Variants in LARS1 observed in about 807,000 individuals in gnomAD.
LARS1 encodes leucine--tRNA ligase, cytoplasmic.
LARS1 carries 100 observed loss-of-function variants against 162.8 expected under a neutral mutation model. The ratio of observed to expected loss-of-function variants is 0.61; its 90% CI spans 0.52 to 0.73. LARS1 has a LOEUF of 0.73. LARS1 is among the 30% of genes least tolerant of loss of function. The pLI, the probability that LARS1 is intolerant of heterozygous loss-of-function variation, is 0.00. For missense variants in LARS1, 1,258 were observed against 1,408.9 expected, an observed-to-expected ratio of 0.89 and a Z score of 1.71; for synonymous variants, 457 against 462.8, an observed-to-expected ratio of 0.99 and a Z score of 0.16.
At chr5:146,160,557 GAATC>G (rs1287707169) in intron 6 of LARS1, 71 bp from the exon 7 acceptor site, 13 of 704,348 alleles carry the variant, frequency 1.8e-5, no homozygotes, top group Non-Finnish European at 3.0e-5. Context: ...GAATTCCTAT[GAATC>G]AATTATTTAC....
intron 4 of LARS1, among the ~76,000 whole-genome samples, chr5:146,169,104 C>CAAGAAAGA (rs200941278): frequency 6.6e-6 from 1 of 151,310 alleles, no homozygotes. Flanking sequence ...ATCCCACCAG[C>CAAGAAAGA]AAGAAAGAAA....
intron 15 of LARS1, among the ~76,000 whole-genome samples, chr5:146,146,493 G>A (rs1753013454): frequency 8.1e-6 from 1 of 124,100 alleles, no homozygotes; most frequent in Non-Finnish European, 1.7e-5. Flanking sequence ...ATAAAATAGA[G>A]GTTAGAACCC....
chr5:146,119,819 GAGTTTACT>G (rs1751739318), intron 31 of LARS1, among the ~76,000 whole-genome samples: 1 of 152,158 alleles, frequency 6.6e-6, no homozygotes, highest in Non-Finnish European at 1.5e-5. Context: ...TCCAGATCTA[GAGTTTACT>G]AGCTAAACAA....
chr5:146,149,668 T>A lies in LARS1; in HGVS notation c.1457A>T (p.Lys486Met), dbSNP rs1186470167. Residue 486 changes from lysine to methionine, a missense_variant, in exon 15 of 32, where the codon AAG becomes ATG. Coordinates refer to ENST00000394434, the MANE Select transcript of LARS1 (RefSeq NM_020117.11). The part of the protein sequence containing the change: ...IMLVDGFKGQ[K>M]VQDVKKTIQK... ...AATAGTCTTCTTTACATCTTGAACC[T>A]TCTGTCCTTTAAATCCATCCACCAA... 1 of 1,612,968 alleles carries A rather than the reference T, an allele frequency of 6.2e-7. No individual in the cohort carries two copies. The highest frequency in any genetic ancestry group is 1.3e-5 in the African/African-American group (1 of 74,994).
At chr5:146,118,914 C>A (rs74530997) in intron 31 of LARS1, among the ~76,000 whole-genome samples, 5,294 of 152,260 alleles carry the variant, frequency 0.035, 321 homozygotes, top group African/African-American at 0.12. Flanking sequence ...TAAACAACAA[C>A]ATCCCTAACC....
In LARS1 at chr5:146,151,686, C is replaced by T. The variant is rs114613842; in HGVS notation, c.1425+176G>A. On this transcript the variant is annotated intron_variant, in intron 14 of 31. Transcript: ENST00000394434. ...GACAATTTCTGAAAATGCTTTTAGGCAAAGGACATGATAAAAACAAAAATT... is the reference window on the plus strand; with the variant it reads ...GACAATTTCTGAAAATGCTTTTAGGTAAAGGACATGATAAAAACAAAAATT... Among the ~76,000 whole-genome samples, 332 of 152,132 alleles carry T rather than the reference C, an allele frequency of 2.2e-3. 3 individuals are homozygous for T. The highest frequency in any genetic ancestry group is 7.8e-3 in the African/African-American group (323 of 41,508).
intron 31 of LARS1, among the ~76,000 whole-genome samples, chr5:146,115,213 T>C (rs2126339426): frequency 6.6e-6 from 1 of 152,234 alleles, no homozygotes; most frequent in Middle Eastern, 3.4e-3. Flanking sequence ...CATTATCCTA[T>C]ATGGTCTCTC....
chr5:146,157,460 G>A lies in LARS1; in HGVS notation c.1008C>T (p.Tyr336=). The A allele has an allele frequency of 6.2e-7, 1 of 1,613,998 alleles. No homozygotes were observed. The highest frequency in any genetic ancestry group is 8.5e-7 in the Non-Finnish European group (1 of 1,180,012). The change falls in exon 10 of 32, where the codon TAC becomes TAT. Residue 336 remains tyrosine, a synonymous_variant. Transcript: ENST00000394434. Reference sequence around the variant, plus strand: ...CGCCATTGTCTTTGGTAAAGCCCTGGTATGACATATTCCTGGCTGCTTTTT... The same window carrying A: ...CGCCATTGTCTTTGGTAAAGCCCTGATATGACATATTCCTGGCTGCTTTTT... ...CTQKAARNMS[Y]QGFTKDNGVV... is the part of the protein sequence containing the mutation.
intron 28 of LARS1, among the ~76,000 whole-genome samples, chr5:146,125,002 T>TAC (rs141205004): frequency 1.5e-3 from 230 of 150,942 alleles, no homozygotes; most frequent in Non-Finnish European, 2.3e-3. Flanking sequence ...TATCATTTTA[T>TAC]ACACACACAC....
At chr5:146,120,613 TA>T in intron 30 of LARS1, 110 bp from the exon 31 acceptor site, 1 of 1,107,444 alleles carries the variant, frequency 9.0e-7, no homozygotes, top group South Asian at 1.6e-5. Flanking sequence ...TCTGGTATTT[TA>T]AAATCATGAC....
chr5:146,114,206 T>C lies in LARS1; in HGVS notation c.3431A>G (p.His1144Arg). 2.5e-6 allele frequency: 4 copies of C among 1,613,634 alleles called. No homozygotes were observed. The highest frequency in any genetic ancestry group is 2.2e-5 in the East Asian group (1 of 44,820). Reference sequence around the variant, plus strand: ...CATGAGGTCCACATTGAAAACAGCATGCTCAGAAATGGGGGTCTTCTCGGT... The same window carrying C: ...CATGAGGTCCACATTGAAAACAGCACGCTCAGAAATGGGGGTCTTCTCGGT... ...EYTEKTPISE[H>R]AVFNVDLMSK... The change falls in exon 32 of 32, where the codon CAT becomes CGT. Residue 1144 changes from histidine (H) to arginine (R), a missense_variant. Physicochemically the swap from His to Arg is conservative, Grantham distance 29 (BLOSUM62 0). Transcript: ENST00000394434.
Position 146,128,688 on chromosome 5 carries a change from A to G in LARS1, c.2864T>C (p.Leu955Pro). The change falls in exon 27 of 32, where the codon CTA (leucine) becomes CCA (proline). Residue 955 changes from leucine (L) to proline (P), a missense_variant. Coordinates refer to ENST00000394434, the MANE Select transcript of LARS1 (RefSeq NM_020117.11). ...GAGCATCACCTCAAAGTGTTTACGTAGAACAGACAGGGTGGTATGTTGCCA... is the reference window on the plus strand; with the variant it reads ...GAGCATCACCTCAAAGTGTTTACGTGGAACAGACAGGGTGGTATGTTGCCA... ...PPWQHTTLSV[L>P]RKHFEANNGK... The G allele has an allele frequency of 6.3e-7, 1 of 1,580,930 alleles. No homozygotes were observed. Among genetic ancestry groups the G allele is most frequent in the Non-Finnish European group, 8.5e-7 (1 of 1,170,362 alleles).
intron 4 of LARS1, among the ~76,000 whole-genome samples, chr5:146,171,153 T>G (rs1754257425): frequency 1.3e-5 from 2 of 151,986 alleles, no homozygotes; most frequent in Admixed American, 6.6e-5. Flanking sequence ...GGTCAGGAGT[T>G]CCAGAACAGC....
At chr5:146,150,641 A>AG (rs1394644596) in intron 14 of LARS1, among the ~76,000 whole-genome samples, 3 of 151,186 alleles carry the variant, frequency 2.0e-5, no homozygotes, top group African/African-American at 7.3e-5. Flanking sequence ...AAAAAAAAAA[A>AG]AAGAACACAA....
At position 146,171,970 on chromosome 5, in the gene LARS1, T is replaced by A; in HGVS notation, c.234A>T (p.Arg78=). 3 of 1,613,800 alleles carry A rather than the reference T, an allele frequency of 1.9e-6. No homozygotes were observed. The highest frequency in any genetic ancestry group is 2.5e-6 in the Non-Finnish European group (3 of 1,179,758). The part of the protein sequence containing the change: ...SKCEFAVGYQ[R]LKGKCCLFPF... ...GAAACAGACAACATTTTCCTTTCAATCGCTGGTACCCTACAGCAAACTACA... is the reference window on the plus strand; with the variant it reads ...GAAACAGACAACATTTTCCTTTCAAACGCTGGTACCCTACAGCAAACTACA... Residue 78 remains arginine (R), a synonymous_variant, in exon 4 of 32, where the codon CGA becomes CGT. Coordinates refer to ENST00000394434, the MANE Select transcript of LARS1 (RefSeq NM_020117.11).
intron 10 of LARS1, 66 bp from the exon 11 acceptor site, chr5:146,154,046 T>C: frequency 2.6e-6 from 3 of 1,151,596 alleles, no homozygotes; most frequent in Non-Finnish European, 3.7e-6. Context: ...ATTAAAACTA[T>C]GTTAATATTT....
intron 28 of LARS1, among the ~76,000 whole-genome samples, chr5:146,124,934 C>T (rs1751980251): frequency 6.6e-6 from 1 of 151,774 alleles, no homozygotes; most frequent in Non-Finnish European, 1.5e-5. Context: ...CTCAAACGGT[C>T]TGATGCTGGT....
Position 146,153,772 on chromosome 5 carries a change from C to T in LARS1, c.1192G>A (p.Asp398Asn), listed in dbSNP as rs1753400670. 4 of 1,613,934 alleles carry T rather than the reference C, an allele frequency of 2.5e-6. No individual in the cohort carries two copies. Among genetic ancestry groups the T allele is most frequent in the Non-Finnish European group, 2.5e-6 (3 of 1,179,976 alleles). The change falls in exon 12 of 32, where the codon GAT (aspartate) becomes AAT (asparagine). Residue 398 changes from aspartate (D) to asparagine (N), a missense_variant. By Grantham distance (23) the Asp-to-Asn change is conservative. Coordinates refer to ENST00000394434, the MANE Select transcript of LARS1 (RefSeq NM_020117.11). ...AAGTCTCTGAGGGCAGCAATATCAT[C>T]AGGGGAGTCGGAAGGAACACTTGTA... Reference protein sequence around the residue: ...VVTSVPSDSPDDIAALRDLKK... With the variant: ...VVTSVPSDSPNDIAALRDLKK...
At chr5:146,150,605 C>T (rs2895651) in intron 14 of LARS1, among the ~76,000 whole-genome samples, 6 of 129,282 alleles carry the variant, frequency 4.6e-5, no homozygotes, top group African/African-American at 1.4e-4. Context: ...CCAGCCTGGG[C>T]GACACAGCAA....
Sources: allele counts gnomAD v4.1 joint callset (sites outside exome capture counted in the v4.1 genomes callset), GRCh38; gene constraint gnomAD v4.1.1; transcripts MANE v1.5; gene names NCBI Gene and HGNC (gene_info 2026-07-23, HGNC 2026-07-21).